ATP8A2: variants seen among roughly 807,000 people sequenced by gnomAD.
ATP8A2 encodes phospholipid-transporting ATPase IB.
A neutral mutation model predicts 165.6 loss-of-function variants in ATP8A2; 100 were observed. That is an observed-to-expected ratio of 0.60 (90% CI 0.51 to 0.71). ATP8A2 has a LOEUF of 0.71. ATP8A2 is among the 30% of genes least tolerant of loss of function. The pLI, the probability that ATP8A2 is intolerant of heterozygous loss-of-function variation, is 0.00. For synonymous variants in ATP8A2, 543 were observed against 548.8 expected, an observed-to-expected ratio of 0.99 and a Z score of 0.15; for missense variants, 1,227 against 1,479.5, an observed-to-expected ratio of 0.83 and a Z score of 2.80.
chr13:25,919,497 T>C lies in ATP8A2; in HGVS notation c.3184-42078T>C, dbSNP rs891607882. On this transcript the variant is annotated intron_variant, in intron 33 of 36. Coordinates refer to ENST00000381655, the MANE Select transcript of ATP8A2 (RefSeq NM_016529.6). ...AGGAGGGCTGTCTGAGCTCTGAGTT[T>C]GTAGAAGGTGCTGCGAGGTGGGCTG... Among the ~76,000 whole-genome samples the C allele has an allele frequency of 3.4e-4, 51 of 152,198 alleles. 1 individual carries two copies. Among genetic ancestry groups the C allele is most frequent in the Admixed American group, 2.4e-3 (36 of 15,286 alleles).
At chr13:25,492,590 G>C (rs1208224777) in intron 2 of ATP8A2, among the ~76,000 whole-genome samples, 2 of 152,142 alleles carry the variant, frequency 1.3e-5, no homozygotes, top group African/African-American at 4.8e-5. Flanking sequence ...TTTGAGTGCA[G>C]CTCCTCCCAC....
rs745842234 is a variant in ATP8A2 at position 25,559,674 on chromosome 13, T to C, written c.1353-47T>C. Reference sequence around the variant, plus strand: ...ATCAGTTTTGATCAGAATGTCTGTCTTTTGATCACAGTTTTGTGACCACTC... The same window carrying C: ...ATCAGTTTTGATCAGAATGTCTGTCCTTTGATCACAGTTTTGTGACCACTC... On this transcript the variant is annotated intron_variant, in intron 14 of 36. Transcript: ENST00000381655. The C allele has an allele frequency of 7.4e-6, 11 of 1,479,914 alleles. No homozygotes were observed. The South Asian group carries it at 1.2e-4, about 17-fold the overall frequency. The allele number at this position is 1,479,914 out of a possible 1,614,324, so 91.7% of individuals were successfully genotyped here.
chr13:25,999,212 G>A (rs746141433), intron 35 of ATP8A2, among the ~76,000 whole-genome samples: 10 of 152,272 alleles, frequency 6.6e-5, no homozygotes, highest in South Asian at 4.1e-4. Context: ...GTAAGACTTG[G>A]TTCCGGCTGA....
At chr13:25,932,468 G>A (rs57573900) in intron 33 of ATP8A2, among the ~76,000 whole-genome samples, 3,325 of 152,308 alleles carry the variant, frequency 0.022, 82 homozygotes, top group East Asian at 0.063. Flanking sequence ...AGCATCAGCT[G>A]TAGCTGCTGT....
At chr13:25,611,697 G>A (rs2040691731) in intron 24 of ATP8A2, among the ~76,000 whole-genome samples, 1 of 151,966 alleles carries the variant, frequency 6.6e-6, no homozygotes. Context: ...TTGTGGAATT[G>A]TGTCAATAGG....
intron 2 of ATP8A2, among the ~76,000 whole-genome samples, chr13:25,487,534 T>G (rs2036390213): frequency 6.6e-6 from 1 of 152,196 alleles, no homozygotes; most frequent in Non-Finnish European, 1.5e-5. Context: ...CACTGAGTGC[T>G]TTATATATTT....
At chr13:25,450,609 G>A (rs545908923) in intron 1 of ATP8A2, among the ~76,000 whole-genome samples, 4 of 152,206 alleles carry the variant, frequency 2.6e-5, no homozygotes, top group African/African-American at 9.6e-5. Context: ...TCGGCTCACT[G>A]CAAGCTCCGC....
At chr13:25,588,009 T>G (rs1001587513) in intron 23 of ATP8A2, among the ~76,000 whole-genome samples, 7 of 152,190 alleles carry the variant, frequency 4.6e-5, no homozygotes, top group Non-Finnish European at 7.4e-5. Flanking sequence ...CCATGTGGTA[T>G]TGTGATTTAA....
intron 24 of ATP8A2, among the ~76,000 whole-genome samples, chr13:25,612,798 T>C (rs2040722303): frequency 6.6e-6 from 1 of 152,186 alleles, no homozygotes; most frequent in South Asian, 2.1e-4. Context: ...AGTAATTGTT[T>C]TATAAATTTG....
rs566605438 is a variant in ATP8A2 at position 25,457,692 on chromosome 13, C to T, written c.77-11285C>T. Among the ~76,000 whole-genome samples the T allele has an allele frequency of 3.0e-4, 45 of 152,318 alleles. 3 individuals carry two copies. In the South Asian group the frequency reaches 5.6e-3, roughly 19 times the overall value. Reference sequence around the variant, plus strand: ...ACAAATCGACCTGGCAACCCTGAGTCGGTTGTGGAGGCCTTGGATTCAGAT... The same window carrying T: ...ACAAATCGACCTGGCAACCCTGAGTTGGTTGTGGAGGCCTTGGATTCAGAT... On this transcript the variant is annotated intron_variant, in intron 1 of 36. Transcript: ENST00000381655.
At chr13:25,686,818 G>A (rs745738991) in intron 24 of ATP8A2, among the ~76,000 whole-genome samples, 2 of 151,724 alleles carry the variant, frequency 1.3e-5, no homozygotes, top group African/African-American at 2.4e-5. Context: ...GATTCTGATG[G>A]AATCCTGCTT....
At chr13:25,773,385 C>A (rs573442208) in intron 26 of ATP8A2, among the ~76,000 whole-genome samples, 1 of 152,310 alleles carries the variant, frequency 6.6e-6, no homozygotes, top group South Asian at 2.1e-4. Context: ...CGTTTCCCTC[C>A]CTCCAGCGCA....
At chr13:26,010,816 C>T (rs928728903) in intron 35 of ATP8A2, among the ~76,000 whole-genome samples, 1 of 152,204 alleles carries the variant, frequency 6.6e-6, no homozygotes, top group African/African-American at 2.4e-5. Flanking sequence ...TCTTCCTCAG[C>T]CATGAGACGT....
At chr13:25,386,383 C>T (rs1207431452) in intron 1 of ATP8A2, among the ~76,000 whole-genome samples, 1 of 152,184 alleles carries the variant, frequency 6.6e-6, no homozygotes, top group Non-Finnish European at 1.5e-5. Flanking sequence ...AACCTCTCCA[C>T]CCCTACCCTG....
intron 24 of ATP8A2, among the ~76,000 whole-genome samples, chr13:25,630,803 C>G (rs2041222201): frequency 6.6e-6 from 1 of 152,032 alleles, no homozygotes. Context: ...TGTTACTACT[C>G]TGGACATACC....
intron 23 of ATP8A2, among the ~76,000 whole-genome samples, chr13:25,586,919 G>A (rs1180453522): frequency 6.6e-6 from 1 of 152,158 alleles, no homozygotes; most frequent in East Asian, 1.9e-4. Flanking sequence ...AAGTACCATA[G>A]ACTATATAAT....
intron 1 of ATP8A2, among the ~76,000 whole-genome samples, chr13:25,395,378 G>C (rs904918897): frequency 1.3e-5 from 2 of 151,956 alleles, no homozygotes; most frequent in African/African-American, 4.8e-5. Context: ...GTGGCTTGTA[G>C]GGGTCAAGGG....
chr13:25,764,074 A>G (rs2044440977), intron 25 of ATP8A2, among the ~76,000 whole-genome samples: 1 of 152,238 alleles, frequency 6.6e-6, no homozygotes, highest in African/African-American at 2.4e-5. Flanking sequence ...TAGTATTTTC[A>G]ACAGGAAAAT....
rs368127529 is a variant in ATP8A2 at position 25,862,265 on chromosome 13, C to G, written c.3076-36C>G. On this transcript the variant is annotated intron_variant, in intron 32 of 36. Coordinates refer to ENST00000381655, the MANE Select transcript of ATP8A2 (RefSeq NM_016529.6). ...GTTGGGGTGAATCTGCCAGGCTGGT[C>G]GAGAAGCCTGTCTGAGTGTCTATTT... 10 of 1,527,426 alleles carry G rather than the reference C, an allele frequency of 6.5e-6. No individual in the cohort carries two copies. In the African/African-American group the frequency reaches 9.6e-5, roughly 15 times the overall value. 94.6% of individuals were successfully genotyped at this position (1,527,426 alleles called of 1,614,324 possible). A position where few individuals can be genotyped will look rare whatever the true frequency, so the allele number is the denominator to read the frequency against.
Sources: gnomAD v4.1 joint callset for allele counts (sites outside exome capture counted in the v4.1 genomes callset) on GRCh38, gnomAD v4.1.1 for gene constraint, MANE v1.5 for transcripts, NCBI Gene and HGNC (gene_info 2026-07-23, HGNC 2026-07-21) for gene names.